MAPKAPK2: variants seen among roughly 807,000 people sequenced by gnomAD.
MAPKAPK2 encodes MAP kinase-activated protein kinase 2.
MAPKAPK2 carries 9 observed loss-of-function variants against 48.8 expected under a neutral mutation model. That is an observed-to-expected ratio of 0.18 (90% confidence interval 0.11 to 0.32). The LOEUF is 0.32. Among genes scored for constraint, MAPKAPK2 ranks in the 10% least tolerant of loss-of-function variants. MAPKAPK2 has a pLI of 1.00. For synonymous variants in MAPKAPK2, 202 were observed against 190.6 expected, an observed-to-expected ratio of 1.06 and a Z score of -0.49; for missense variants, 331 against 498.3, an observed-to-expected ratio of 0.66 and a Z score of 3.20.
intron 1 of MAPKAPK2, chr1:206,696,100 G>A: frequency 1.5e-6 from 2 of 1,304,464 alleles, no homozygotes; most frequent in Admixed American, 1.7e-5. Flanking sequence ...CATCCTACCA[G>A]TCACACGGCA....
chr1:206,685,073 C>A lies in MAPKAPK2; in HGVS notation c.-157C>A, dbSNP rs1672233124. The A allele has an allele frequency of 5.5e-6, 1 of 181,618 alleles. No homozygotes were observed. The highest frequency in any genetic ancestry group is 1.1e-5 in the Non-Finnish European group (1 of 89,154). The allele number at this position is 181,618 out of a possible 1,614,324, so 11.3% of individuals were successfully genotyped here. ...GCGCGGTGGGACCCACGGAGCCCCGCGACCCGCCGAGCCTGGAGCCGGGCC... is the reference window on the plus strand; with the variant it reads ...GCGCGGTGGGACCCACGGAGCCCCGAGACCCGCCGAGCCTGGAGCCGGGCC... On this transcript the variant is annotated 5_prime_UTR_variant, in exon 1 of 10. Transcript: ENST00000367103.
Position 206,732,678 on chromosome 1 carries a change from A to G in MAPKAPK2, c.1163A>G (p.Lys388Arg). The change falls in exon 10 of 10, where the codon AAG becomes AGG. Residue 388 changes from lysine (K) to arginine (R), a missense_variant. Physicochemically the swap from Lys to Arg is conservative, Grantham distance 26. Around this residue, in one of 4 missense-constraint regions of MAPKAPK2, gnomAD observed 124 missense variants for 194.6 expected, o/e 0.64. Coordinates refer to ENST00000367103, the MANE Select transcript of MAPKAPK2 (RefSeq NM_032960.4). The surrounding 1 kb of genome is among the most constrained non-coding windows in gnomAD (Gnocchi z 4.4). Reference protein sequence around the residue: ...ASNPLLLKRRKKARALEAAAL... With the variant: ...ASNPLLLKRRRKARALEAAAL... ...AACCCTCTGCTGCTGAAGAGGCGGA[A>G]GAAAGCTCGGGCCCTGGAGGCTGCG... 1 of 1,614,242 alleles carries G rather than the reference A, an allele frequency of 6.2e-7. No individual in the cohort carries two copies. Among genetic ancestry groups the G allele is most frequent in the Non-Finnish European group, 8.5e-7 (1 of 1,180,042 alleles).
intron 1 of MAPKAPK2, among the ~76,000 whole-genome samples, chr1:206,686,050 C>A (rs1236950719): frequency 6.6e-6 from 1 of 152,066 alleles, no homozygotes; most frequent in African/African-American, 2.4e-5. Flanking sequence ...AGCCGGGCCG[C>A]CTTGGGGCGC....
At chr1:206,723,207 C>T (rs900918371) in intron 1 of MAPKAPK2, among the ~76,000 whole-genome samples, 4 of 152,162 alleles carry the variant, frequency 2.6e-5, no homozygotes, top group South Asian at 2.1e-4. Flanking sequence ...TGGGGTCCCC[C>T]GTCTGTCCAG....
rs146520836 is a variant in MAPKAPK2, at chr1:206,723,528, G to A, written c.280-5182G>A. Among the ~76,000 whole-genome samples, 1,008 of 152,254 alleles carry A rather than the reference G, an allele frequency of 6.6e-3. 6 individuals are homozygous for A. The highest frequency in any genetic ancestry group is 0.011 in the Non-Finnish European group (773 of 68,010). On this transcript the variant is annotated intron_variant, in intron 1 of 9. Coordinates refer to ENST00000367103, the MANE Select transcript of MAPKAPK2 (RefSeq NM_032960.4). ...CTAGTGAGCAGTGGCGCTTGTGAAG[G>A]GGGTCCTCCTGAGGGCCTGGGGCCT...
rs1247998975 is a variant in MAPKAPK2 at position 206,731,767 on chromosome 1, A to G, written c.978+42A>G. 3.7e-6 allele frequency: 6 copies of G among 1,611,252 alleles called. No individual in the cohort carries two copies. The highest frequency in any genetic ancestry group is 5.1e-6 in the Non-Finnish European group (6 of 1,177,566). ...GGGGAGCCTTGGGTCTCACGGGACT[A>G]TTCCACAGGACAGAGTCTTAGCCAG... On this transcript the variant is annotated intron_variant, in intron 8 of 9. Coordinates refer to ENST00000367103, the MANE Select transcript of MAPKAPK2 (RefSeq NM_032960.4). The surrounding 1 kb of genome is among the most constrained non-coding windows in gnomAD (Gnocchi z 5.9).
intron 1 of MAPKAPK2, chr1:206,696,151 G>A (rs782423112): frequency 1.9e-6 from 3 of 1,565,454 alleles, no homozygotes; most frequent in Non-Finnish European, 2.6e-6. Context: ...ATGGACAAAA[G>A]TGTCATTGAA....
chr1:206,695,657 C>T (rs781881546), intron 1 of MAPKAPK2, among the ~76,000 whole-genome samples: 8 of 151,978 alleles, frequency 5.3e-5, no homozygotes, highest in African/African-American at 1.7e-4. Context: ...CAGAGCCTTT[C>T]GCACCAAAAG....
intron 1 of MAPKAPK2, among the ~76,000 whole-genome samples, chr1:206,689,062 A>G (rs1672374064): frequency 1.3e-5 from 2 of 152,224 alleles, no homozygotes; most frequent in African/African-American, 4.8e-5. Flanking sequence ...TGTTAGCTCA[A>G]CAAATTTAAT....
chr1:206,685,453 A>G lies in MAPKAPK2; in HGVS notation c.224A>G (p.Asn75Ser), dbSNP rs1331532151. ...AGCCAGGTCCTGGGGCTGGGCATCA[A>G]CGGCAAAGTTTTGCAGATCTTCAAC... is the stretch of plus-strand genomic sequence containing the variant. ...VTSQVLGLGI[N>S]GKVLQIFNKR... The change falls in exon 1 of 10, where the codon AAC becomes AGC. Residue 75 changes from asparagine to serine, a missense_variant. By Grantham distance (46) the Asn-to-Ser change is conservative. Transcript: ENST00000367103. 33 of 1,542,300 alleles carry G rather than the reference A, an allele frequency of 2.1e-5. No individual in the cohort carries two copies. The highest frequency in any genetic ancestry group is 2.7e-5 in the Non-Finnish European group (31 of 1,140,032).
At chr1:206,699,617 TG>T (rs1242411642) in intron 1 of MAPKAPK2, among the ~76,000 whole-genome samples, 4 of 152,234 alleles carry the variant, frequency 2.6e-5, no homozygotes, top group Non-Finnish European at 4.4e-5. Flanking sequence ...AAGAAATGGC[TG>T]GGCTAAAGCT....
At chr1:206,693,166 A>G (rs1672509123) in intron 1 of MAPKAPK2, among the ~76,000 whole-genome samples, 1 of 152,060 alleles carries the variant, frequency 6.6e-6, no homozygotes, top group Non-Finnish European at 1.5e-5. Flanking sequence ...CTCAGTACAC[A>G]CCGGACCTTA....
chr1:206,706,283 C>A (rs561982278), intron 1 of MAPKAPK2, among the ~76,000 whole-genome samples: 1 of 152,114 alleles, frequency 6.6e-6, no homozygotes, highest in Non-Finnish European at 1.5e-5. Context: ...CTCTCCCTGC[C>A]TTTCCCTGGC....
At chr1:206,727,695 G>A (rs529021878) in intron 1 of MAPKAPK2, among the ~76,000 whole-genome samples, 2 of 151,794 alleles carry the variant, frequency 1.3e-5, no homozygotes, top group Non-Finnish European at 2.9e-5. Flanking sequence ...ATCTCGGCTC[G>A]CTGCAAGCTC....
chr1:206,731,373 A>G lies in MAPKAPK2; in HGVS notation c.892+111A>G. On this transcript the variant is annotated intron_variant, in intron 7 of 9. Coordinates refer to ENST00000367103, the MANE Select transcript of MAPKAPK2 (RefSeq NM_032960.4). The surrounding 1 kb of genome is among the most constrained non-coding windows in gnomAD (Gnocchi z 5.9). ...GCCTCCATCTCATGTGCGTGGTGTA[A>G]CTGTGGGTTAGCACCTATGCCCACG... is the stretch of plus-strand genomic sequence containing the variant. 6.5e-7 allele frequency: 1 copy of G among 1,546,592 alleles called. No homozygotes were observed. The highest frequency in any genetic ancestry group is 8.7e-7 in the Non-Finnish European group (1 of 1,144,242).
chr1:206,720,372 G>A (rs1289275310), intron 1 of MAPKAPK2, among the ~76,000 whole-genome samples: 2 of 152,036 alleles, frequency 1.3e-5, no homozygotes, highest in African/African-American at 4.8e-5. Flanking sequence ...GTTTTGTTTT[G>A]TTTTGTTTTT....
intron 1 of MAPKAPK2, among the ~76,000 whole-genome samples, chr1:206,711,297 T>G (rs1407191010): frequency 2.0e-5 from 3 of 152,260 alleles, no homozygotes; most frequent in Non-Finnish European, 4.4e-5. Context: ...TCGCCCAGGC[T>G]GGAGCGCAGT....
chr1:206,703,755 G>T (rs1009279242), intron 1 of MAPKAPK2, among the ~76,000 whole-genome samples: 3 of 152,186 alleles, frequency 2.0e-5, no homozygotes, highest in Non-Finnish European at 4.4e-5. Context: ...CTCCCTTCTA[G>T]ATCACAACCA....
intron 4 of MAPKAPK2, 144 bp downstream of exon 4, chr1:206,729,619 C>A: frequency 1.3e-6 from 1 of 742,810 alleles, no homozygotes; most frequent in Non-Finnish European, 2.3e-6. Context: ...TAGGGCCTTG[C>A]CCTCTCTGCC....
Sources: gnomAD v4.1 joint callset for allele counts (sites outside exome capture counted in the v4.1 genomes callset) on GRCh38, gnomAD v4.1.1 for gene constraint, gnomAD v4.1.1 regional missense constraint, Gnocchi (gnomAD v3.1) non-coding constraint, MANE v1.5 for transcripts, NCBI Gene and HGNC (gene_info 2026-07-23, HGNC 2026-07-21) for gene names.